The following GALNT2 variants were observed in gnomAD, a reference collection of about 807,000 sequenced individuals.
GALNT2 encodes the protein polypeptide N-acetylgalactosaminyltransferase 2.
In GALNT2, 31 loss-of-function variants were observed where a neutral mutation model predicts 81.4. The ratio of observed to expected loss-of-function variants is 0.38; its 90% CI spans 0.29 to 0.51. The LOEUF is 0.51. Among genes scored for constraint, GALNT2 ranks in the 20% least tolerant of loss-of-function variants. The pLI is 0.87. For synonymous variants in GALNT2, 303 were observed against 287.4 expected, an observed-to-expected ratio of 1.05 and a Z score of -0.55; for missense variants, 629 against 765.7, an observed-to-expected ratio of 0.82 and a Z score of 2.11.
intron 1 of GALNT2, among the ~76,000 whole-genome samples, chr1:230,100,087 C>A (rs1022754947): frequency 6.6e-6 from 1 of 152,084 alleles, no homozygotes. Flanking sequence ...TTCCATAGAT[C>A]GTTGAATGAA....
chr1:230,161,498 A>T (rs1028549448), intron 1 of GALNT2, among the ~76,000 whole-genome samples: 2 of 152,166 alleles, frequency 1.3e-5, no homozygotes, highest in Non-Finnish European at 2.9e-5. Context: ...CTTCCAATCC[A>T]CTGCAGTCCA....
intron 3 of GALNT2, among the ~76,000 whole-genome samples, chr1:230,206,207 A>G (rs1310523394): frequency 5.3e-5 from 8 of 152,120 alleles, no homozygotes; most frequent in Non-Finnish European, 1.0e-4. Context: ...GCTCATCAGC[A>G]TGTGGGCTGG....
chr1:230,194,160 G>A (rs1663615218), intron 2 of GALNT2, among the ~76,000 whole-genome samples: 3 of 152,232 alleles, frequency 2.0e-5, no homozygotes, highest in Non-Finnish European at 2.9e-5. Flanking sequence ...CTTGTGCCCT[G>A]AATGATAGCG....
At chr1:230,150,820 T>A (rs1028658070) in intron 1 of GALNT2, among the ~76,000 whole-genome samples, 30 of 152,228 alleles carry the variant, frequency 2.0e-4, no homozygotes. Flanking sequence ...TTTGACTGCT[T>A]GGCCCTGACT....
intron 3 of GALNT2, among the ~76,000 whole-genome samples, chr1:230,209,357 C>CCCTGATCCACCCCAT (rs149913235): frequency 0.57 from 85,888 of 151,400 alleles, 26,997 homozygotes; most frequent in East Asian, 0.9. Flanking sequence ...AAGGGTGGCG[C>CCCTGATCCACCCCAT]CCTGATCCAC....
chr1:230,218,695 A>T (rs1664460835), intron 3 of GALNT2, among the ~76,000 whole-genome samples: 1 of 152,206 alleles, frequency 6.6e-6, no homozygotes, highest in African/African-American at 2.4e-5. Flanking sequence ...TGAGATTGTC[A>T]ATGTTTATGG....
At chr1:230,120,714 G>A (rs1458122400) in intron 1 of GALNT2, among the ~76,000 whole-genome samples, 2 of 152,126 alleles carry the variant, frequency 1.3e-5, no homozygotes, top group African/African-American at 4.8e-5. Context: ...TCCCCAGGCT[G>A]CTTGGGAGAG....
In GALNT2 at chr1:230,262,674, C is replaced by T; in HGVS notation, c.1229+9C>T. 1.3e-6 allele frequency: 2 copies of T among 1,582,830 alleles called. No individual in the cohort carries two copies. Among genetic ancestry groups the T allele is most frequent in the Non-Finnish European group, 1.7e-6 (2 of 1,152,046 alleles). ...AACGTTCCTTATGGAAAGTAAGTGG[C>T]AGTTCTGCCTTCTCACAATTACTGG... On this transcript the variant is annotated intron_variant, in intron 12 of 15. Coordinates refer to ENST00000366672, the MANE Select transcript of GALNT2 (RefSeq NM_004481.5).
chr1:230,170,641 C>T (rs1405342328), intron 1 of GALNT2, among the ~76,000 whole-genome samples: 1 of 152,112 alleles, frequency 6.6e-6, no homozygotes, highest in East Asian at 1.9e-4. Flanking sequence ...ATTTGGCTCA[C>T]GGTTCTGTAG....
intron 8 of GALNT2, among the ~76,000 whole-genome samples, chr1:230,247,112 G>C (rs1334448410): frequency 6.6e-6 from 1 of 151,700 alleles, no homozygotes; most frequent in Non-Finnish European, 1.5e-5. Flanking sequence ...GCGTGTGATG[G>C]CATGCCAGCT....
chr1:230,113,500 G>C (rs1216354003), intron 1 of GALNT2, among the ~76,000 whole-genome samples: 1 of 152,128 alleles, frequency 6.6e-6, no homozygotes, highest in African/African-American at 2.4e-5. Flanking sequence ...CCACCTGCTG[G>C]GGCAAGAAGC....
At chr1:230,111,052 TTGTG>T (rs1223772551) in intron 1 of GALNT2, among the ~76,000 whole-genome samples, 1 of 152,216 alleles carries the variant, frequency 6.6e-6, no homozygotes, top group Non-Finnish European at 1.5e-5. Context: ...GCATGCATAT[TTGTG>T]TGTGTGTACA....
chr1:230,200,593 T>G (rs1293170421), intron 2 of GALNT2, among the ~76,000 whole-genome samples: 1 of 152,184 alleles, frequency 6.6e-6, no homozygotes. Context: ...AGAAGGGCTG[T>G]GGGGGTGTGA....
intron 1 of GALNT2, among the ~76,000 whole-genome samples, chr1:230,167,304 C>A (rs1391608251): frequency 6.6e-6 from 1 of 152,024 alleles, no homozygotes; most frequent in African/African-American, 2.4e-5. Flanking sequence ...CATCCCCACA[C>A]CTGGCTAATT....
At chr1:230,192,130 C>T (rs897357830) in intron 2 of GALNT2, among the ~76,000 whole-genome samples, 1 of 152,236 alleles carries the variant, frequency 6.6e-6, no homozygotes, top group Non-Finnish European at 1.5e-5. Context: ...GAGAACTGCA[C>T]AGGCATGCAG....
At chr1:230,120,444 C>T (rs1660981259) in intron 1 of GALNT2, among the ~76,000 whole-genome samples, 1 of 152,188 alleles carries the variant, frequency 6.6e-6, no homozygotes, top group Non-Finnish European at 1.5e-5. Context: ...TGTTGCCTCT[C>T]AAACCTGCCA....
At chr1:230,163,944 C>G (rs1261100319) in intron 1 of GALNT2, among the ~76,000 whole-genome samples, 8 of 152,198 alleles carry the variant, frequency 5.3e-5, no homozygotes. Flanking sequence ...GTGGATGGAG[C>G]CTGGACTCTG....
chr1:230,092,719 C>G (rs1339718404), intron 1 of GALNT2, among the ~76,000 whole-genome samples: 1 of 152,128 alleles, frequency 6.6e-6, no homozygotes, highest in Non-Finnish European at 1.5e-5. Flanking sequence ...TAGAGCATGG[C>G]TATTACGTGT....
At chr1:230,100,839 G>A (rs771721909) in intron 1 of GALNT2, among the ~76,000 whole-genome samples, 2 of 148,906 alleles carry the variant, frequency 1.3e-5, no homozygotes, top group East Asian at 4.0e-4. Context: ...ATAAACAAAA[G>A]TACACATTTA....
Sources: gnomAD v4.1 joint callset for allele counts (sites outside exome capture counted in the v4.1 genomes callset) on GRCh38, gnomAD v4.1.1 for gene constraint, MANE v1.5 for transcripts, NCBI Gene and HGNC (gene_info 2026-07-23, HGNC 2026-07-21) for gene names.